SEC14L1: variants seen among roughly 807,000 people sequenced by gnomAD.
SEC14L1 encodes the protein SEC14 like lipid binding 1, also known as SEC14-like protein 1.
Under a neutral mutation model 85.3 loss-of-function variants are expected in SEC14L1, and 48 were observed. That is an observed-to-expected ratio of 0.56 (90% confidence interval 0.45 to 0.72). The LOEUF (loss-of-function observed/expected upper bound fraction) is 0.72, where lower values mean the gene tolerates loss of function less well. SEC14L1 is among the 30% of genes least tolerant of loss of function. The probability of loss-of-function intolerance (pLI) is 0.00; values close to 1 mark genes in which losing one functional copy is unlikely to be tolerated. For synonymous variants in SEC14L1, 391 were observed against 355.5 expected (o/e 1.10, Z -1.12); for missense variants, 682 against 921.4 (o/e 0.74, Z 3.36).
chr17:77,151,846 AAAC>A (rs1262062695), intron 3 of SEC14L1, among the ~76,000 whole-genome samples: 1 of 152,182 alleles, frequency 6.6e-6, no homozygotes, highest in Non-Finnish European at 1.5e-5. Flanking sequence ...CTAAAAAACA[AAAC>A]AAACTCTTGC....
chr17:77,169,143 C>A (rs1974422148), intron 3 of SEC14L1, among the ~76,000 whole-genome samples: 1 of 150,998 alleles, frequency 6.6e-6, no homozygotes, highest in African/African-American at 2.4e-5. Flanking sequence ...TAATAGTTTA[C>A]CGCAGTACCA....
intron 3 of SEC14L1, among the ~76,000 whole-genome samples, chr17:77,118,769 T>C (rs904392676): frequency 1.3e-5 from 2 of 152,212 alleles, no homozygotes. Flanking sequence ...GAAGCTGCTG[T>C]CAATCACCAT....
chr17:77,151,994 G>A (rs1250634790), intron 3 of SEC14L1, among the ~76,000 whole-genome samples: 1 of 151,646 alleles, frequency 6.6e-6, no homozygotes, highest in Non-Finnish European at 1.5e-5. Flanking sequence ...TTATTTTTTT[G>A]AGATAGGGTT....
At chr17:77,187,239 G>A (rs969964401) in intron 3 of SEC14L1, among the ~76,000 whole-genome samples, 1 of 152,158 alleles carries the variant, frequency 6.6e-6, no homozygotes, top group African/African-American at 2.4e-5. Flanking sequence ...ACCTTACAGA[G>A]GGGTGACATC....
chr17:77,211,462 C>T (rs1198386972), intron 14 of SEC14L1: 2 of 160,988 alleles, frequency 1.2e-5, no homozygotes, highest in African/African-American at 2.4e-5. Flanking sequence ...CACCCAGCCT[C>T]GCCACTGTTC....
At chr17:77,120,057 C>G (rs1031033311) in intron 3 of SEC14L1, among the ~76,000 whole-genome samples, 4 of 152,100 alleles carry the variant, frequency 2.6e-5, no homozygotes, top group African/African-American at 9.7e-5. Context: ...GGAGATTAGA[C>G]TGACAAACAT....
At chr17:77,115,733 G>A (rs1972156042) in intron 3 of SEC14L1, among the ~76,000 whole-genome samples, 1 of 152,170 alleles carries the variant, frequency 6.6e-6, no homozygotes, top group African/African-American at 2.4e-5. Flanking sequence ...ACAAATCACT[G>A]TTTTCTAAGT....
chr17:77,196,284 G>A lies in SEC14L1; in HGVS notation c.792G>A (p.Gln264=), dbSNP rs148068662. The change falls in exon 8 of 17, where the codon CAG becomes CAA. Residue 264 remains glutamine (Q), a synonymous_variant. Transcript: ENST00000436233. ...LQESCLIRLR[Q]WLQETHKGKI... ...AGAGCTGCCTCATTAGACTTCGCCA[G>A]TGGCTCCAGGAGACCCACAAGGGCA... 18 of 1,613,834 alleles carry A rather than the reference G, an allele frequency of 1.1e-5. No homozygotes were observed. Among genetic ancestry groups the A allele is most frequent in the Non-Finnish European group, 1.5e-5 (18 of 1,179,840 alleles).
chr17:77,195,026 A>G, intron 7 of SEC14L1, 115 bp downstream of exon 7: 2 of 717,194 alleles, frequency 2.8e-6, no homozygotes, highest in Non-Finnish European at 4.7e-6. Context: ...TAACTCAGAA[A>G]GGAAAGACCC....
At chr17:77,205,391 G>A (rs186249734) in intron 11 of SEC14L1, 45 bp downstream of exon 11, 102 of 1,487,342 alleles carry the variant, frequency 6.9e-5, no homozygotes, top group Admixed American at 1.0e-4. Context: ...CTGAGAAAAC[G>A]AATTAAATAT....
rs553275737 is a variant in SEC14L1, at chr17:77,174,595, C to T, written c.64-16208C>T. 1.5e-4 allele frequency among the ~76,000 whole-genome samples: 23 copies of T among 152,222 alleles called. No homozygotes were observed. In the East Asian group the frequency reaches 1.5e-3, roughly 10 times the overall value. On this transcript the variant is annotated intron_variant, in intron 3 of 16. Transcript: ENST00000436233. ...TTTTTCTCCCGCGTTGCTAAGCGTC[C>T]GGGTTTATTCGTCACACCAGGTGGG...
intron 10 of SEC14L1, among the ~76,000 whole-genome samples, chr17:77,204,386 T>C (rs892989403): frequency 1.3e-5 from 2 of 151,504 alleles, no homozygotes; most frequent in Admixed American, 1.3e-4. Flanking sequence ...CCCAGCTAAT[T>C]TTTTCATATT....
intron 3 of SEC14L1, among the ~76,000 whole-genome samples, chr17:77,121,303 T>C (rs1275099163): frequency 6.6e-6 from 1 of 152,180 alleles, no homozygotes; most frequent in Non-Finnish European, 1.5e-5. Context: ...AGAAAGAGAT[T>C]CGGGAAGTTG....
chr17:77,099,543 G>T (rs1006970074), intron 3 of SEC14L1, among the ~76,000 whole-genome samples: 1 of 152,178 alleles, frequency 6.6e-6, no homozygotes, highest in Admixed American at 6.6e-5. Context: ...ATCACTTTGA[G>T]GTCAGGAGTT....
intron 3 of SEC14L1, among the ~76,000 whole-genome samples, chr17:77,123,376 C>A (rs1466794103): frequency 6.7e-6 from 1 of 149,404 alleles, no homozygotes. Flanking sequence ...ACTGTGGGAA[C>A]CCTTCCAGAA....
chr17:77,161,854 T>TCCCTCCCCTCCCCTC (rs375878692), intron 3 of SEC14L1, among the ~76,000 whole-genome samples: 1 of 151,010 alleles, frequency 6.6e-6, no homozygotes, highest in Admixed American at 6.6e-5. Context: ...TTGTTTCCCT[T>TCCCTCCCCTCCCCTC]CCCTCCCCTC....
intron 3 of SEC14L1, 126 bp downstream of exon 3, chr17:77,143,785 C>T (rs1973158631): frequency 1.5e-6 from 1 of 677,600 alleles, no homozygotes; most frequent in Non-Finnish European, 2.6e-6. Flanking sequence ...TGTTTTTATG[C>T]TTATGAACCG....
At chr17:77,098,344 C>G (rs1379719731) in intron 3 of SEC14L1, among the ~76,000 whole-genome samples, 1 of 151,986 alleles carries the variant, frequency 6.6e-6, no homozygotes, top group Non-Finnish European at 1.5e-5. Context: ...ACTAAAAATA[C>G]AAAAATTAGT....
chr17:77,196,392 A>C, intron 8 of SEC14L1, 81 bp downstream of exon 8: 2 of 812,834 alleles, frequency 2.5e-6, no homozygotes, highest in Non-Finnish European at 4.0e-6. Flanking sequence ...AGTCACCAAG[A>C]GTGATATTCC....
Sources: allele counts gnomAD v4.1 joint callset (sites outside exome capture counted in the v4.1 genomes callset), GRCh38; gene constraint gnomAD v4.1.1; transcripts MANE v1.5; gene names NCBI Gene and HGNC (gene_info 2026-07-23, HGNC 2026-07-21).